RPS6KA2: variants seen among roughly 807,000 people sequenced by gnomAD.
RPS6KA2 encodes the protein ribosomal protein S6 kinase alpha-2.
RPS6KA2 carries 42 observed loss-of-function variants against 91.8 expected under a neutral mutation model. The observed-to-expected ratio is 0.46, with a 90% CI of 0.36 to 0.59. The LOEUF is 0.59. RPS6KA2 is among the 20% of genes least tolerant of loss of function. The probability of loss-of-function intolerance (pLI) is 0.00; values close to 1 mark genes in which losing one functional copy is unlikely to be tolerated. For synonymous variants in RPS6KA2, 414 were observed against 393.6 expected (o/e 1.05, Z -0.61); for missense variants, 798 against 978.5 (o/e 0.82, Z 2.46).
At chr6:166,704,737 CTGCATTT>C (rs1372261600) in intron 2 of RPS6KA2, among the ~76,000 whole-genome samples, 1 of 152,252 alleles carries the variant, frequency 6.6e-6, no homozygotes, top group Non-Finnish European at 1.5e-5. Context: ...GCTGGCGTCA[CTGCATTT>C]TTGCAAAGCC....
At chr6:166,531,537 A>G (rs1276747135) in intron 2 of RPS6KA2, among the ~76,000 whole-genome samples, 3 of 152,220 alleles carry the variant, frequency 2.0e-5, no homozygotes, top group Non-Finnish European at 2.9e-5. Flanking sequence ...AAGAAGCGTC[A>G]TTTGTTTTTG....
chr6:166,602,371 T>G (rs1785775257), intron 1 of RPS6KA2, among the ~76,000 whole-genome samples: 1 of 152,024 alleles, frequency 6.6e-6, no homozygotes, highest in South Asian at 2.1e-4. Context: ...CGAGAGAACC[T>G]CCCCCAACAC....
At chr6:166,679,274 C>G (rs867236877) in intron 2 of RPS6KA2, among the ~76,000 whole-genome samples, 1 of 150,680 alleles carries the variant, frequency 6.6e-6, no homozygotes, top group Non-Finnish European at 1.5e-5. Context: ...GCCAAGATGG[C>G]AAAACCCCAA....
At position 166,821,561 on chromosome 6, in the gene RPS6KA2, G is replaced by A. The variant is rs749213663; in HGVS notation, c.123+36639C>T. On this transcript the variant is annotated intron_variant, in intron 2 of 21. Coordinates refer to the RPS6KA2 transcript ENST00000503859. The surrounding 1 kb of genome is among the most constrained non-coding windows in gnomAD (Gnocchi z 4.1). Reference sequence around the variant, plus strand: ...CCATGTGCATCCTCCGTGTGGGTGCGGTGGGCCATCCCTCCTCCCACCGTA... The same window carrying A: ...CCATGTGCATCCTCCGTGTGGGTGCAGTGGGCCATCCCTCCTCCCACCGTA... 6.6e-5 allele frequency among the ~76,000 whole-genome samples: 10 copies of A among 151,912 alleles called. No individual in the cohort carries two copies. Among genetic ancestry groups the A allele is most frequent in the African/African-American group, 1.9e-4 (8 of 41,324 alleles).
At chr6:166,697,854 G>C (rs907110547) in intron 2 of RPS6KA2, among the ~76,000 whole-genome samples, 7 of 152,218 alleles carry the variant, frequency 4.6e-5, no homozygotes, top group Non-Finnish European at 8.8e-5. Flanking sequence ...CAGAAGGCAT[G>C]TCTGCCTGCT....
chr6:166,501,700 G>A (rs1368080234), intron 6 of RPS6KA2, among the ~76,000 whole-genome samples: 1 of 152,198 alleles, frequency 6.6e-6, no homozygotes, highest in East Asian at 1.9e-4. Context: ...CGGGAGTCTG[G>A]GCTGTGATAC....
intron 1 of RPS6KA2, among the ~76,000 whole-genome samples, chr6:166,553,311 T>C (rs1784074250): frequency 6.6e-6 from 1 of 152,070 alleles, no homozygotes; most frequent in Non-Finnish European, 1.5e-5. Context: ...TTTGTAGAGA[T>C]GGTGGTCTCA....
chr6:166,485,511 C>A (rs188179775), intron 10 of RPS6KA2, among the ~76,000 whole-genome samples: 3 of 151,932 alleles, frequency 2.0e-5, no homozygotes, highest in African/African-American at 7.3e-5. Context: ...TTAGGGCTGA[C>A]GGACACTGCA....
rs559314295 is a variant in RPS6KA2, at chr6:166,699,929, G to A, written c.123+158271C>T. 5.4e-4 allele frequency among the ~76,000 whole-genome samples: 82 copies of A among 152,304 alleles called. 1 individual carries two copies. The South Asian group carries it at 0.017, about 31-fold the overall frequency. On this transcript the variant is annotated intron_variant, in intron 2 of 21. Transcript: ENST00000503859. ...AGGCTCATGACAGTGCTGGCCACAT[G>A]GAAATGTAGCCTTTTGTTGCCTTTA...
At chr6:166,468,843 G>A (rs1437844893) in intron 11 of RPS6KA2, among the ~76,000 whole-genome samples, 1 of 80,190 alleles carries the variant, frequency 1.2e-5, no homozygotes, top group African/African-American at 7.6e-5. Flanking sequence ...CAGCCTGGGC[G>A]ACAGAGCGAG....
chr6:166,436,276 C>G (rs922469138), intron 14 of RPS6KA2, among the ~76,000 whole-genome samples: 4 of 145,836 alleles, frequency 2.7e-5, no homozygotes, highest in Non-Finnish European at 6.0e-5. Context: ...ATGTTTAAAA[C>G]TAATGTCAGC....
At chr6:166,574,931 G>C (rs1415888641) in intron 1 of RPS6KA2, among the ~76,000 whole-genome samples, 1 of 152,142 alleles carries the variant, frequency 6.6e-6, no homozygotes, top group Admixed American at 6.5e-5. Flanking sequence ...ACCAGGAAGA[G>C]CTACCAAGGA....
At chr6:166,458,080 C>T (rs1457507082) in intron 12 of RPS6KA2, among the ~76,000 whole-genome samples, 1 of 152,098 alleles carries the variant, frequency 6.6e-6, no homozygotes, top group Non-Finnish European at 1.5e-5. Flanking sequence ...TATGTCCTTC[C>T]CAAATTCAAA....
chr6:166,660,421 T>A (rs12216158), intron 2 of RPS6KA2, among the ~76,000 whole-genome samples: 24,028 of 149,392 alleles, frequency 0.16, 1,987 homozygotes, highest in African/African-American at 0.2. Flanking sequence ...TGTGTGTGTG[T>A]GAGAGAGAGA....
In RPS6KA2 at chr6:166,490,829, C is replaced by T. The variant is rs939790562; in HGVS notation, c.748-88G>A. On this transcript the variant is annotated intron_variant, in intron 8 of 20. Transcript: ENST00000265678. The surrounding 1 kb of genome is among the most constrained non-coding windows in gnomAD (Gnocchi z 4.2). ...GTACCCCAGCAGGGCAGCCTGCTAC[C>T]GTGTCCATTTCCTCATGCAAAATCT... 33 of 934,630 alleles carry T rather than the reference C, an allele frequency of 3.5e-5. No homozygotes were observed. The African/African-American group carries it at 4.3e-4, about 12-fold the overall frequency. The allele number at this position is 934,630 out of a possible 1,614,324, so 57.9% of individuals were successfully genotyped here.
At chr6:166,556,887 T>C (rs1583276703) in intron 1 of RPS6KA2, among the ~76,000 whole-genome samples, 1 of 152,100 alleles carries the variant, frequency 6.6e-6, no homozygotes. Context: ...TAATGAACAT[T>C]TTCTATTGTT....
chr6:166,729,256 C>T (rs943745000), intron 2 of RPS6KA2, among the ~76,000 whole-genome samples: 10 of 152,218 alleles, frequency 6.6e-5, no homozygotes, highest in African/African-American at 2.4e-4. Context: ...GCCTACAAGC[C>T]CTGGTGCAGG....
intron 2 of RPS6KA2, among the ~76,000 whole-genome samples, chr6:166,823,311 C>T (rs990661097): frequency 6.6e-5 from 10 of 152,144 alleles, no homozygotes; most frequent in Admixed American, 3.9e-4. Context: ...GGTATATGAG[C>T]CTCTCTTAGA....
At position 166,767,402 on chromosome 6, in the gene RPS6KA2, C is replaced by T. The variant is rs577620614; in HGVS notation, c.123+90798G>A. Reference sequence around the variant, plus strand: ...CGGATCAATGTGCTCCAGATCAATGCGGTCCAGAGGTGAAAGCGTGGTTAG... The same window carrying T: ...CGGATCAATGTGCTCCAGATCAATGTGGTCCAGAGGTGAAAGCGTGGTTAG... On this transcript the variant is annotated intron_variant, in intron 2 of 21. Transcript: ENST00000503859. This position sits in a 1 kb window ranked among gnomAD's most constrained non-coding sequence, Gnocchi z 4.6. 7.2e-5 allele frequency among the ~76,000 whole-genome samples: 11 copies of T among 152,274 alleles called. No homozygotes were observed. The highest frequency in any genetic ancestry group is 4.2e-4 in the South Asian group (2 of 4,816).
Sources: gnomAD v4.1 joint callset for allele counts (sites outside exome capture counted in the v4.1 genomes callset) on GRCh38, gnomAD v4.1.1 for gene constraint, Gnocchi (gnomAD v3.1) non-coding constraint, MANE v1.5 for transcripts, NCBI Gene and HGNC (gene_info 2026-07-23, HGNC 2026-07-21) for gene names.